The following BBS9 variants were observed in gnomAD, a reference collection of about 807,000 sequenced individuals.
BBS9 encodes protein PTHB1.
Under a neutral mutation model 117.7 loss-of-function variants are expected in BBS9, and 89 were observed. The ratio of observed to expected loss-of-function variants is 0.76; its 90% confidence interval spans 0.64 to 0.90. BBS9 has a LOEUF of 0.90. Ranked by LOEUF, BBS9 falls within the 40% of genes least tolerant of loss-of-function variation. The pLI is 0.00. For missense variants in BBS9, 982 were observed against 1,042.2 expected, an observed-to-expected ratio of 0.94 and a Z score of 0.80; for synonymous variants, 379 against 370.9, an observed-to-expected ratio of 1.02 and a Z score of -0.25.
intron 2 of BBS9, among the ~76,000 whole-genome samples, chr7:33,150,879 G>A (rs1271046266): frequency 6.6e-6 from 1 of 152,184 alleles, no homozygotes. Context: ...AGATCTTAGA[G>A]GAGTTCTTGG....
intron 17 of BBS9, among the ~76,000 whole-genome samples, chr7:33,377,376 G>C (rs190996390): frequency 2.6e-5 from 4 of 152,068 alleles, no homozygotes; most frequent in African/African-American, 4.8e-5. Context: ...TCTGTTGGTC[G>C]ATTTGTCTGG....
At chr7:33,196,197 T>TA (rs1230532038) in intron 5 of BBS9, among the ~76,000 whole-genome samples, 1 of 152,064 alleles carries the variant, frequency 6.6e-6, no homozygotes, top group Middle Eastern at 3.2e-3. Flanking sequence ...ATTTTTATTT[T>TA]AAAAAATTAA....
intron 19 of BBS9, among the ~76,000 whole-genome samples, chr7:33,395,780 T>G (rs1827856198): frequency 2.0e-5 from 3 of 152,148 alleles, no homozygotes; most frequent in Admixed American, 2.0e-4. Flanking sequence ...CTAAGAGCTT[T>G]TTGGTCCATG....
chr7:33,526,148 G>C (rs1445699537), intron 20 of BBS9, among the ~76,000 whole-genome samples: 3 of 151,660 alleles, frequency 2.0e-5, no homozygotes, highest in African/African-American at 7.3e-5. Flanking sequence ...CCCTTTGAGG[G>C]TAACCCGACC....
At chr7:33,488,179 C>T (rs1843375545) in intron 19 of BBS9, among the ~76,000 whole-genome samples, 1 of 152,076 alleles carries the variant, frequency 6.6e-6, no homozygotes, top group African/African-American at 2.4e-5. Flanking sequence ...TTTCCATTTT[C>T]TTCTGTGCTG....
intron 9 of BBS9, among the ~76,000 whole-genome samples, chr7:33,295,959 A>C (rs1584163269): frequency 6.6e-6 from 1 of 152,228 alleles, no homozygotes; most frequent in East Asian, 1.9e-4. Context: ...ATGGGTGAGG[A>C]TATCCAGAAC....
At chr7:33,291,064 T>C (rs1277909849) in intron 9 of BBS9, among the ~76,000 whole-genome samples, 1 of 152,166 alleles carries the variant, frequency 6.6e-6, no homozygotes, top group Non-Finnish European at 1.5e-5. Flanking sequence ...ATATGAAATA[T>C]CATAAAATAA....
At chr7:33,266,194 G>GT (rs1798787280) in intron 7 of BBS9, among the ~76,000 whole-genome samples, 1 of 152,152 alleles carries the variant, frequency 6.6e-6, no homozygotes, top group South Asian at 2.1e-4. Context: ...CAGTTGAGTG[G>GT]TTTTTCCATT....
chr7:33,254,792 A>C (rs1796764225), intron 5 of BBS9, among the ~76,000 whole-genome samples: 1 of 152,162 alleles, frequency 6.6e-6, no homozygotes, highest in East Asian at 1.9e-4. Flanking sequence ...TATTTCATTT[A>C]GCATGATGTT....
chr7:33,209,864 T>A (rs1191906121), intron 5 of BBS9, among the ~76,000 whole-genome samples: 1 of 152,154 alleles, frequency 6.6e-6, no homozygotes, highest in Admixed American at 6.5e-5. Flanking sequence ...TGATCCTTTC[T>A]ACTGTTTTGT....
chr7:33,374,092 A>G (rs1255834089), intron 17 of BBS9, among the ~76,000 whole-genome samples: 1 of 152,230 alleles, frequency 6.6e-6, no homozygotes, highest in Non-Finnish European at 1.5e-5. Flanking sequence ...AAGAGAACCA[A>G]TAATAGAATG....
chr7:33,500,746 G>A (rs1034345662), intron 19 of BBS9, among the ~76,000 whole-genome samples: 3 of 152,192 alleles, frequency 2.0e-5, no homozygotes, highest in East Asian at 1.9e-4. Flanking sequence ...GATGATTCAT[G>A]TCTACTCTGC....
chr7:33,340,895 A>C lies in BBS9; in HGVS notation c.1199-2A>C, dbSNP rs1816380802. 6.2e-7 allele frequency: 1 copy of C among 1,611,764 alleles called. No homozygotes were observed. The highest frequency in any genetic ancestry group is 1.1e-5 in the South Asian group (1 of 90,668). On this transcript the variant is annotated splice_acceptor_variant, in intron 10 of 22. Transcript: ENST00000242067. LOFTEE classifies it high-confidence loss of function. ...AATAATTTTTCTTTTTTTAAATCACAGGTGTTTGGCCCATGACTGAGAGAG... is the reference window on the plus strand; with the variant it reads ...AATAATTTTTCTTTTTTTAAATCACCGGTGTTTGGCCCATGACTGAGAGAG...
At chr7:33,153,257 TAG>T (rs1339744804) in intron 3 of BBS9, among the ~76,000 whole-genome samples, 1 of 152,222 alleles carries the variant, frequency 6.6e-6, no homozygotes, top group Non-Finnish European at 1.5e-5. Flanking sequence ...TTATTTGGGG[TAG>T]AGATGCCCTA....
At chr7:33,369,822 A>G (rs1182472779) in intron 17 of BBS9, among the ~76,000 whole-genome samples, 1 of 152,204 alleles carries the variant, frequency 6.6e-6, no homozygotes, top group African/African-American at 2.4e-5. Context: ...TTTGAAAGGT[A>G]CCTAGTATTA....
At chr7:33,616,949 G>C (rs1865168281) in intron 21 of BBS9, among the ~76,000 whole-genome samples, 1 of 151,994 alleles carries the variant, frequency 6.6e-6, no homozygotes, top group South Asian at 2.1e-4. Flanking sequence ...TTATAAGTGA[G>C]AGCATGTGGT....
chr7:33,163,424 C>T lies in BBS9; in HGVS notation c.328+7722C>T, dbSNP rs560162946. 7.2e-5 allele frequency among the ~76,000 whole-genome samples: 11 copies of T among 152,252 alleles called. No homozygotes were observed. The South Asian group carries it at 2.3e-3, about 32-fold the overall frequency. ...GGTATGGTACCACCTCCTCTTTGTA[C>T]CTCTGGTAGAATTCGGCTGTGAGTC... On this transcript the variant is annotated intron_variant, in intron 4 of 22. Transcript: ENST00000242067.
At chr7:33,264,242 T>A in intron 6 of BBS9, 48 bp from the exon 7 acceptor site, 1 of 987,604 alleles carries the variant, frequency 1.0e-6, no homozygotes, top group Middle Eastern at 3.5e-4. Flanking sequence ...TAATTTATAA[T>A]TTTTAATTAT....
chr7:33,350,576 GCTATTTTCCTC>G (rs1818455032), intron 13 of BBS9, among the ~76,000 whole-genome samples: 1 of 152,074 alleles, frequency 6.6e-6, no homozygotes, highest in South Asian at 2.1e-4. Flanking sequence ...ATGATAAATT[GCTATTTTCCTC>G]CCAAATTCTC....
Sources: gnomAD v4.1 joint callset for allele counts (sites outside exome capture counted in the v4.1 genomes callset) on GRCh38, gnomAD v4.1.1 for gene constraint, MANE v1.5 for transcripts, NCBI Gene and HGNC (gene_info 2026-07-23, HGNC 2026-07-21) for gene names.